The following TATDN1 variants were observed in gnomAD, a reference collection of about 807,000 sequenced individuals.
TATDN1 encodes the protein TatD DNase domain containing 1.
In TATDN1, 40 loss-of-function variants were observed where a neutral mutation model predicts 46.4. The observed-to-expected ratio is 0.86, with a 90% CI of 0.67 to 1.12. The LOEUF is 1.12. TATDN1 is among the 50% of genes most tolerant of loss of function. The probability of loss-of-function intolerance (pLI) is 0.00; values close to 1 mark genes in which losing one functional copy is unlikely to be tolerated. For synonymous variants in TATDN1, 95 were observed against 105.6 expected (o/e 0.90, Z 0.62); for missense variants, 326 against 348.4 (o/e 0.94, Z 0.51).
intron 10 of TATDN1, chr8:124,495,232 T>C (rs143850835): frequency 1.2e-4 from 59 of 501,288 alleles, no homozygotes; most frequent in African/African-American, 1.1e-3. Flanking sequence ...CTGAGTTATA[T>C]TCTGGCATCT....
Position 124,518,888 on chromosome 8 carries a change from T to A in TATDN1, c.139-7A>T, listed in dbSNP as rs758746461. 1 of 1,594,530 alleles carries A rather than the reference T, an allele frequency of 6.3e-7. No individual in the cohort carries two copies. Among genetic ancestry groups the A allele is most frequent in the South Asian group, 1.1e-5 (1 of 89,004 alleles). On this transcript the variant is annotated splice_region_variant and splice_polypyrimidine_tract_variant and intron_variant, in intron 3 of 11. Transcript: ENST00000276692. The stretch of plus-strand genomic sequence containing the variant: ...TTCCACCTGTAATCATAAACTGAAA[T>A]AGAAAGAAAATAAAATAAGCTGACT...
chr8:124,516,044 A>G lies in TATDN1; in HGVS notation c.203-14T>C, dbSNP rs369953035. ...TGAAAAACATACCTAACAGAAAATA[A>G]TGTCTTAGGATTATTTTCAAAGTAT... On this transcript the variant is annotated splice_polypyrimidine_tract_variant and intron_variant, in intron 4 of 11. Transcript: ENST00000276692. 8.3e-6 allele frequency: 13 copies of G among 1,572,386 alleles called. No individual in the cohort carries two copies. The African/African-American group carries it at 1.8e-4, about 22-fold the overall frequency.
intron 2 of TATDN1, 115 bp downstream of exon 2, chr8:124,522,822 T>G: frequency 1.7e-5 from 15 of 887,232 alleles, no homozygotes; most frequent in African/African-American, 3.3e-5. Flanking sequence ...CCCAAAGTGC[T>G]GAGATTACAG....
At chr8:124,531,101 G>A (rs1820913371) in intron 1 of TATDN1, among the ~76,000 whole-genome samples, 1 of 152,068 alleles carries the variant, frequency 6.6e-6, no homozygotes, top group South Asian at 2.1e-4. Flanking sequence ...GGTAATACTG[G>A]AGTTTATGGC....
At chr8:124,489,377 T>A (rs987002007) in intron 11 of TATDN1, 1 of 151,608 alleles carries the variant, frequency 6.6e-6, no homozygotes, top group Admixed American at 6.6e-5. Context: ...TTCCCTCCCT[T>A]CCTTTCCTTT....
chr8:124,539,058 G>A lies in TATDN1; in HGVS notation c.-12C>T, dbSNP rs369976535. The A allele has an allele frequency of 4.3e-6, 7 of 1,612,988 alleles. No homozygotes were observed. Among genetic ancestry groups the A allele is most frequent in the African/African-American group, 1.3e-5 (1 of 74,914 alleles). On this transcript the variant is annotated 5_prime_UTR_variant, in exon 1 of 12. Transcript: ENST00000276692. ...TTGAAGCGACTCATGACTGCGCATG[G>A]AGGACCTCCCCAGCGGAAGCGGAAG...
chr8:124,489,307 A>AAAT (rs1316344997), intron 11 of TATDN1: 1 of 152,154 alleles, frequency 6.6e-6, no homozygotes, highest in Non-Finnish European at 1.5e-5. Context: ...CTTGCGAGAG[A>AAAT]AATAAGCCCA....
rs572927231 is a variant in TATDN1, at chr8:124,494,052, C to A, written c.665-93G>T. 1.1e-5 allele frequency: 13 copies of A among 1,217,018 alleles called. No homozygotes were observed. In the African/African-American group the frequency reaches 1.7e-4, roughly 16 times the overall value. 75.4% of individuals were successfully genotyped at this position (1,217,018 alleles called of 1,614,324 possible). On this transcript the variant is annotated intron_variant, in intron 10 of 11. Coordinates refer to ENST00000276692, the MANE Select transcript of TATDN1 (RefSeq NM_032026.4). ...AATATATAACCTCTAAATGATAAACCGTGATTCAGCTTCCAAAATGGCACA... is the reference window on the plus strand; with the variant it reads ...AATATATAACCTCTAAATGATAAACAGTGATTCAGCTTCCAAAATGGCACA...
chr8:124,529,140 T>C (rs1308476403), intron 1 of TATDN1, among the ~76,000 whole-genome samples: 1 of 152,214 alleles, frequency 6.6e-6, no homozygotes, highest in Non-Finnish European at 1.5e-5. Flanking sequence ...TTGTGAAGTG[T>C]GTATAAAAGT....
At chr8:124,513,312 G>C (rs1819190215) in intron 6 of TATDN1, among the ~76,000 whole-genome samples, 2 of 152,118 alleles carry the variant, frequency 1.3e-5, no homozygotes, top group Admixed American at 6.5e-5. Context: ...TTTGTCATTA[G>C]CTTATCCACT....
intron 3 of TATDN1, 145 bp from the exon 4 acceptor site, chr8:124,519,026 A>T: frequency 1.6e-6 from 1 of 619,132 alleles, no homozygotes; most frequent in Non-Finnish European, 2.9e-6. Context: ...TTCAGCTGGG[A>T]GATTACCTCC....
rs561403725 is a variant in TATDN1, at chr8:124,515,108, T to C, written c.389+638A>G. On this transcript the variant is annotated intron_variant, in intron 6 of 11. Coordinates refer to ENST00000276692, the MANE Select transcript of TATDN1 (RefSeq NM_032026.4). ...CCTGGCTTGTAATACACTTTTAATATCCTTTGCTCTTAAATTATATCTCCC... is the reference window on the plus strand; with the variant it reads ...CCTGGCTTGTAATACACTTTTAATACCCTTTGCTCTTAAATTATATCTCCC... 7.9e-5 allele frequency among the ~76,000 whole-genome samples: 12 copies of C among 152,252 alleles called. No homozygotes were observed. The East Asian group carries it at 1.9e-3, about 25-fold the overall frequency.
At chr8:124,500,640 A>T (rs570015866) in intron 9 of TATDN1, among the ~76,000 whole-genome samples, 97 of 151,780 alleles carry the variant, frequency 6.4e-4, no homozygotes, top group African/African-American at 2.3e-3. Context: ...TCGGGGCTAC[A>T]GTAAGTCGTC....
At chr8:124,492,919 T>C (rs907074702) in intron 11 of TATDN1, among the ~76,000 whole-genome samples, 3 of 152,196 alleles carry the variant, frequency 2.0e-5, no homozygotes, top group Non-Finnish European at 2.9e-5. Flanking sequence ...TCTTCCCAAG[T>C]AGCTGGAATA....
chr8:124,519,389 C>T (rs79802802), intron 3 of TATDN1, among the ~76,000 whole-genome samples: 237 of 152,288 alleles, frequency 1.6e-3, no homozygotes, highest in African/African-American at 5.5e-3. Flanking sequence ...CGATGTTTGA[C>T]ACCACCAGAG....
chr8:124,488,521 CT>C lies in TATDN1; in HGVS notation c.*72del. On this transcript the variant is annotated 3_prime_UTR_variant, in exon 12 of 12. Transcript: ENST00000276692. ...TCTTTAGACAACTTGCAGATAATTT[CT>C]TTATTGAAACTATCAGGAAGTTTTA... The C allele has an allele frequency of 1.3e-6, 1 of 758,674 alleles. No homozygotes were observed. The highest frequency in any genetic ancestry group is 1.7e-5 in the South Asian group (1 of 58,980). The allele number at this position is 758,674 out of a possible 1,614,324, so 47.0% of individuals were successfully genotyped here. A position where few individuals can be genotyped will look rare whatever the true frequency, so the allele number is the denominator to read the frequency against.
intron 4 of TATDN1, among the ~76,000 whole-genome samples, chr8:124,517,629 A>G (rs954086563): frequency 7.2e-5 from 11 of 152,216 alleles, no homozygotes; most frequent in Admixed American, 5.2e-4. Flanking sequence ...AAAAAAAGTG[A>G]AATTCGTGAA....
At chr8:124,507,784 C>CA (rs201337834) in intron 8 of TATDN1, among the ~76,000 whole-genome samples, 10,651 of 93,308 alleles carry the variant, frequency 0.11, 594 homozygotes, top group South Asian at 0.37. Context: ...TCTTAATAAC[C>CA]AAAAAAAAAA....
chr8:124,519,961 C>T (rs1819882997), intron 3 of TATDN1, among the ~76,000 whole-genome samples: 1 of 151,920 alleles, frequency 6.6e-6, no homozygotes, highest in Non-Finnish European at 1.5e-5. Context: ...AAGCATACTT[C>T]AAAAGTCTCA....
Sources: allele counts gnomAD v4.1 joint callset (sites outside exome capture counted in the v4.1 genomes callset), GRCh38; gene constraint gnomAD v4.1.1; transcripts MANE v1.5; gene names NCBI Gene and HGNC (gene_info 2026-07-23, HGNC 2026-07-21).